ROBO2: variants seen among roughly 807,000 people sequenced by gnomAD.
The protein encoded by ROBO2 is roundabout guidance receptor 2, also known as roundabout homolog 2.
In ROBO2, 53 loss-of-function variants were observed where a neutral mutation model predicts 160.8. That is an observed-to-expected ratio of 0.33 (90% CI 0.26 to 0.41). The LOEUF (loss-of-function observed/expected upper bound fraction) is 0.41. Among genes scored for constraint, ROBO2 ranks in the 10% least tolerant of loss-of-function variants. The probability of loss-of-function intolerance (pLI) is 1.00; values close to 1 mark genes in which losing one functional copy is unlikely to be tolerated. For synonymous variants in ROBO2, 664 were observed against 611.7 expected, an observed-to-expected ratio of 1.09 and a Z score of -1.26; for missense variants, 1,577 against 1,722.4, an observed-to-expected ratio of 0.92 and a Z score of 1.49.
chr3:76,639,431 T>C lies in ROBO2; in HGVS notation c.110-458583T>C, dbSNP rs181444634. ...ACATACATAAATACATATATAAACA[T>C]ATACGTGTATATATAAGTGTACCTA... On this transcript the variant is annotated intron_variant, in intron 2 of 26. Transcript: ENST00000487694. Among the ~76,000 whole-genome samples the C allele has an allele frequency of 4.4e-4, 66 of 149,676 alleles. 1 individual carries two copies. Among genetic ancestry groups the C allele is most frequent in the Admixed American group, 4.0e-3 (60 of 14,948 alleles).
At chr3:76,249,389 G>T (rs775905247) in intron 2 of ROBO2, among the ~76,000 whole-genome samples, 7 of 152,064 alleles carry the variant, frequency 4.6e-5, no homozygotes, top group Non-Finnish European at 7.4e-5. Flanking sequence ...ATATAGCAAA[G>T]TAAAGATTTT....
At chr3:76,482,940 T>G (rs1051253171) in intron 2 of ROBO2, among the ~76,000 whole-genome samples, 6 of 152,188 alleles carry the variant, frequency 3.9e-5, no homozygotes. Context: ...ATGTGATGTT[T>G]TCAGCAATAA....
intron 10 of ROBO2, 128 bp downstream of exon 11, chr3:77,562,860 C>A: frequency 1.3e-6 from 1 of 762,580 alleles, no homozygotes; most frequent in Middle Eastern, 2.5e-4. Context: ...ACATTCAATG[C>A]CATTTTTTAA....
At chr3:76,004,946 G>T (rs1315077782) in intron 2 of ROBO2, among the ~76,000 whole-genome samples, 1 of 152,162 alleles carries the variant, frequency 6.6e-6, no homozygotes, top group Non-Finnish European at 1.5e-5. Context: ...CTGTTGGGAG[G>T]TGGGGCCCAA....
chr3:77,392,892 A>G (rs536003773), intron 2 of ROBO2, among the ~76,000 whole-genome samples: 2 of 152,340 alleles, frequency 1.3e-5, no homozygotes, highest in South Asian at 2.1e-4. Flanking sequence ...CTTGAACAAA[A>G]CAAGTTTGTG....
exon 11 of ROBO2, chr3:77,563,256 A>T: frequency 6.2e-7 from 1 of 1,613,724 alleles, no homozygotes; most frequent in Non-Finnish European, 8.5e-7. Flanking sequence ...TACTAAGAAC[A>T]GTGTCACCTT....
chr3:75,955,286 A>G (rs1198755950), intron 2 of ROBO2, among the ~76,000 whole-genome samples: 2 of 151,842 alleles, frequency 1.3e-5, no homozygotes. Context: ...TGTTTTCAAG[A>G]TGAGTGTTTA....
At chr3:75,979,328 A>G (rs888325453) in intron 2 of ROBO2, among the ~76,000 whole-genome samples, 1 of 151,508 alleles carries the variant, frequency 6.6e-6, no homozygotes, top group Non-Finnish European at 1.5e-5. Context: ...GAGAGAGATA[A>G]TAATAGACTT....
chr3:76,937,810 A>C (rs10155005), intron 2 of ROBO2, among the ~76,000 whole-genome samples: 67,659 of 151,922 alleles, frequency 0.45, 15,355 homozygotes, highest in African/African-American at 0.52. Flanking sequence ...TACTGAATTC[A>C]GTTCTTCAAA....
chr3:77,483,886 G>A (rs1361451347), intron 4 of ROBO2, among the ~76,000 whole-genome samples: 3 of 151,216 alleles, frequency 2.0e-5, no homozygotes, highest in African/African-American at 7.3e-5. Flanking sequence ...TATAATAGCT[G>A]TCTACTTTCC....
chr3:76,434,929 C>T, intron 2 of ROBO2: 1 of 1,600,776 alleles, frequency 6.2e-7, no homozygotes, highest in Non-Finnish European at 8.6e-7. Context: ...ACCAGCCCAT[C>T]CCCCAAACCA....
chr3:77,262,866 T>A (rs1177288397), intron 2 of ROBO2, among the ~76,000 whole-genome samples: 5 of 152,104 alleles, frequency 3.3e-5, no homozygotes, highest in Non-Finnish European at 5.9e-5. Context: ...GTGATGATGG[T>A]GATGAGTATG....
chr3:77,426,679 AG>A (rs1581847387), intron 2 of ROBO2, among the ~76,000 whole-genome samples: 2 of 14,974 alleles, frequency 1.3e-4, no homozygotes, highest in South Asian at 4.2e-3. Context: ...TCATTTGGTC[AG>A]GAAGGAAGGA....
At chr3:76,154,141 A>G (rs1238469098) in intron 2 of ROBO2, among the ~76,000 whole-genome samples, 3 of 152,158 alleles carry the variant, frequency 2.0e-5, no homozygotes, top group Non-Finnish European at 4.4e-5. Context: ...ATACATGAAC[A>G]GATATTTCCA....
At chr3:76,474,368 ATGTC>A (rs1451181559) in intron 2 of ROBO2, among the ~76,000 whole-genome samples, 1 of 152,146 alleles carries the variant, frequency 6.6e-6, no homozygotes, top group Non-Finnish European at 1.5e-5. Flanking sequence ...GACATAGACT[ATGTC>A]TGTTTTATCC....
chr3:76,333,355 C>T (rs1402600489), intron 2 of ROBO2, among the ~76,000 whole-genome samples: 1 of 152,096 alleles, frequency 6.6e-6, no homozygotes, highest in Non-Finnish European at 1.5e-5. Context: ...GTGTACGCAG[C>T]GTAAAGTCAT....
At chr3:76,447,408 A>G in intron 2 of ROBO2, among the ~76,000 whole-genome samples, 1 of 150,538 alleles carries the variant, frequency 6.6e-6, no homozygotes, top group East Asian at 1.9e-4. Flanking sequence ...GCTGGAGAGG[A>G]TGTGGAGAAA....
chr3:76,061,545 G>A (rs936006187), intron 2 of ROBO2, among the ~76,000 whole-genome samples: 4 of 152,116 alleles, frequency 2.6e-5, no homozygotes, highest in African/African-American at 4.8e-5. Context: ...TAGTAGAGAC[G>A]TGTTCTGTTG....
Position 77,646,062 on chromosome 3 carries a change from A to G in ROBO2, c.*7A>G, listed in dbSNP as rs367856350. On this transcript the variant is annotated 3_prime_UTR_variant, in exon 26 of 26. Coordinates refer to ENST00000461745, the Ensembl canonical transcript of ROBO2. The stretch of plus-strand genomic sequence containing the variant: ...TTTTTCTCTTTCTTTAGAGTAAATG[A>G]GAGGAGACATACAAAGCTGCTCTGA... 1.3e-4 allele frequency: 208 copies of G among 1,593,408 alleles called. No homozygotes were observed. The African/African-American group carries it at 2.4e-3, about 19-fold the overall frequency.
Sources: gnomAD v4.1 joint callset for allele counts (sites outside exome capture counted in the v4.1 genomes callset) on GRCh38, gnomAD v4.1.1 for gene constraint, MANE v1.5 for transcripts, NCBI Gene and HGNC (gene_info 2026-07-23, HGNC 2026-07-21) for gene names.